NRSN2: variants seen among roughly 807,000 people sequenced by gnomAD.
NRSN2 encodes neurensin-2.
A neutral mutation model predicts 11.1 loss-of-function variants in NRSN2; 10 were observed. The observed-to-expected ratio is 0.90, with a 90% CI of 0.56 to 1.53. The LOEUF (loss-of-function observed/expected upper bound fraction) is 1.53, where lower values mean the gene tolerates loss of function less well. Ranked by LOEUF, NRSN2 falls within the 40% of genes most tolerant of loss-of-function variation. The pLI, the probability that NRSN2 is intolerant of heterozygous loss-of-function variation, is 0.00. For missense variants in NRSN2, 260 were observed against 273.7 expected (o/e 0.95, Z 0.35); for synonymous variants, 100 against 117.0 (o/e 0.86, Z 0.94).
rs917537693 is a variant in NRSN2 at position 353,691 on chromosome 20, A to G, written c.*56A>G. On this transcript the variant is annotated 3_prime_UTR_variant, in exon 5 of 5. Transcript: ENST00000382285. ...GGATCCTTCCCCCCTTCTCACCATA[A>G]CCCCCTCTCAGTGTTTCCCCAACTT... 1 of 1,529,372 alleles carries G rather than the reference A, an allele frequency of 6.5e-7. No individual in the cohort carries two copies. Among genetic ancestry groups the G allele is most frequent in the Non-Finnish European group, 8.9e-7 (1 of 1,125,510 alleles). 94.7% of individuals were successfully genotyped at this position (1,529,372 alleles called of 1,614,324 possible). A position where few individuals can be genotyped will look rare whatever the true frequency, so the allele number is the denominator to read the frequency against.
In NRSN2 at chr20:354,719, GTCTCCACCAGCCTGAAGGGCCTCC is replaced by G. The variant is rs2014256961; in HGVS notation, c.*1086_*1109del. On this transcript the variant is annotated 3_prime_UTR_variant, in exon 5 of 5. Coordinates refer to ENST00000382285, the MANE Select transcript of NRSN2 (RefSeq NM_001323682.2). ...CTCCCCTCCCTAACCCTTACCTTCA[GTCTCCACCAGCCTGAAGGGCCTCC>G]TAGGGGATCCTCAGGCGGCCCCCAC... 1 of 152,270 alleles carries G rather than the reference GTCTCCACCAGCCTGAAGGGCCTCC, an allele frequency of 6.6e-6. No homozygotes were observed. Among genetic ancestry groups the G allele is most frequent in the Non-Finnish European group, 1.5e-5 (1 of 68,118 alleles). The allele number at this position is 152,270 out of a possible 1,614,324, so 9.4% of individuals were successfully genotyped here.
At position 353,552 on chromosome 20, in the gene NRSN2, A is replaced by G; in HGVS notation, c.532A>G (p.Ser178Gly). Residue 178 changes from serine to glycine, a missense_variant, in exon 5 of 5, where the codon AGT becomes GGT. Coordinates refer to ENST00000382285, the MANE Select transcript of NRSN2 (RefSeq NM_001323682.2). ...GTTGTCACCCATTTTCCGCAATGCC[A>G]GTGGCCAGTCATGGTTCTCGCCACC... The part of the protein sequence containing the change: ...QQLSPIFRNA[S>G]GQSWFSPPAS... 1 of 1,614,188 alleles carries G rather than the reference A, an allele frequency of 6.2e-7. No individual in the cohort carries two copies. Among genetic ancestry groups the G allele is most frequent in the Non-Finnish European group, 8.5e-7 (1 of 1,180,038 alleles).
Position 349,657 on chromosome 20 carries a change from G to A in NRSN2, c.14G>A (p.Cys5Tyr), listed in dbSNP as rs2013760684. Residue 5 changes from cysteine to tyrosine, a missense_variant, in exon 4 of 5, where the codon TGC becomes TAC. Transcript: ENST00000382285. MMPS[C>Y]NRSCSCSRGP... ...CCCCAGGGGTCCATGATGCCGAGCT[G>A]CAATCGTTCCTGCAGCTGCAGCCGC... 3.1e-6 allele frequency: 5 copies of A among 1,611,362 alleles called. No individual in the cohort carries two copies. In the Admixed American group the frequency reaches 8.3e-5, roughly 27 times the overall value.
Position 353,226 on chromosome 20 carries a change from G to C in NRSN2, c.206G>C (p.Gly69Ala), listed in dbSNP as rs756603306. The C allele has an allele frequency of 6.2e-7, 1 of 1,613,946 alleles. No homozygotes were observed. Among genetic ancestry groups the C allele is most frequent in the South Asian group, 1.1e-5 (1 of 91,074 alleles). The change falls in exon 5 of 5, where the codon GGG becomes GCG. Residue 69 changes from glycine to alanine, a missense_variant. Physicochemically the swap from Gly to Ala is moderately conservative, Grantham distance 60. Coordinates refer to ENST00000382285, the MANE Select transcript of NRSN2 (RefSeq NM_001323682.2). ...TCTCCCTAGATCAGCCTGTCCTCGG[G>C]GACCCTGCTTCTGCTGCTGGGTGTG... ...SLCWKISLSSGTLLLLLGVAA... is the reference protein window; with the variant it reads ...SLCWKISLSSATLLLLLGVAA...
intron 4 of NRSN2, 113 bp downstream of exon 4, chr20:349,945 A>AC: frequency 1.0e-6 from 1 of 974,572 alleles, no homozygotes; most frequent in South Asian, 1.9e-5. Context: ...GGAGTCTTGC[A>AC]CAGTCAAGCA....
At position 349,724 on chromosome 20, in the gene NRSN2, C is replaced by G; in HGVS notation, c.81C>G (p.Ser27=). ...ATGGCAAGTGGTATGGGGTCCGCTCCTACCTGCACCTCTTCTATGAGGACT... is the reference window on the plus strand; with the variant it reads ...ATGGCAAGTGGTATGGGGTCCGCTCGTACCTGCACCTCTTCTATGAGGACT... ...VEDGKWYGVR[S]YLHLFYEDCA... The change falls in exon 4 of 5, where the codon TCC becomes TCG. Residue 27 remains serine, a synonymous_variant. Coordinates refer to ENST00000382285, the MANE Select transcript of NRSN2 (RefSeq NM_001323682.2). 6.2e-7 allele frequency: 1 copy of G among 1,613,522 alleles called. No individual in the cohort carries two copies. Among genetic ancestry groups the G allele is most frequent in the African/African-American group, 1.3e-5 (1 of 75,042 alleles).
chr20:351,821 G>A (rs76976400), intron 4 of NRSN2, among the ~76,000 whole-genome samples: 5,475 of 152,236 alleles, frequency 0.036, 110 homozygotes, highest in East Asian at 0.078. Flanking sequence ...TTTTGTGGAC[G>A]TCAAAATGTC....
At position 353,600 on chromosome 20, in the gene NRSN2, T is replaced by TGG. The variant is rs755023841; in HGVS notation, c.580_581insGG (p.Ser194TrpfsTer48). 8 of 1,614,186 alleles carry TGG rather than the reference T, an allele frequency of 5.0e-6. No individual in the cohort carries two copies. In the Admixed American group the frequency reaches 1.3e-4, roughly 27 times the overall value. On this transcript the variant is annotated frameshift_variant, in exon 5 of 5. Coordinates refer to ENST00000382285, the MANE Select transcript of NRSN2 (RefSeq NM_001323682.2). LOFTEE classifies it high-confidence loss of function. Reference sequence around the variant, plus strand: ...ACCCGCCAGCCCCTTTGGGCAATCTTCTGTGCAGACTATCCAGCCCAAGAG... The same window carrying TGG: ...ACCCGCCAGCCCCTTTGGGCAATCTTGGCTGTGCAGACTATCCAGCCCAAGAG...
chr20:352,479 T>C (rs1291497529), intron 4 of NRSN2, among the ~76,000 whole-genome samples: 2 of 152,090 alleles, frequency 1.3e-5, no homozygotes, highest in African/African-American at 4.8e-5. Flanking sequence ...GAAAGGTTAG[T>C]GTGTATTTAA....
intron 4 of NRSN2, among the ~76,000 whole-genome samples, chr20:350,202 C>A (rs907325345): frequency 2.6e-5 from 4 of 151,528 alleles, no homozygotes; most frequent in African/African-American, 7.3e-5. Flanking sequence ...GGACCGGGTG[C>A]GGTAGTTCAC....
chr20:348,527 G>GTGTGTGTGTGTC (rs2013651391), intron 2 of NRSN2: 1 of 151,174 alleles, frequency 6.6e-6, no homozygotes, highest in Admixed American at 6.8e-5. Flanking sequence ...GTGTGTGTGT[G>GTGTGTGTGTGTC]TCGTACCTAT....
In NRSN2 at chr20:353,730, G is replaced by A. The variant is rs564519307; in HGVS notation, c.*95G>A. 17 of 1,354,320 alleles carry A rather than the reference G, an allele frequency of 1.3e-5. No homozygotes were observed. In the South Asian group the frequency reaches 2.2e-4, roughly 18 times the overall value. The allele number at this position is 1,354,320 out of a possible 1,614,324, so 83.9% of individuals were successfully genotyped here. ...TTTCCCCAACTTCTCCCTTTTAGCA[G>A]GGTCCCTTTAGAGCCCAACTCCAGG... On this transcript the variant is annotated 3_prime_UTR_variant, in exon 5 of 5. Coordinates refer to ENST00000382285, the MANE Select transcript of NRSN2 (RefSeq NM_001323682.2).
rs2013542569 is a variant in NRSN2 at position 347,772 on chromosome 20, G to T, written c.-122+260G>T. 6.6e-6 allele frequency among the ~76,000 whole-genome samples: 1 copy of T among 151,964 alleles called. No homozygotes were observed. The highest frequency in any genetic ancestry group is 2.1e-4 in the South Asian group (1 of 4,828). The stretch of plus-strand genomic sequence containing the variant: ...CCCTCCGCCGCAGTCTCCCCACGTC[G>T]GACAGCGCAGCCCCCTCCGCCTCCC... On this transcript the variant is annotated intron_variant, in intron 2 of 4. Coordinates refer to ENST00000382285, the MANE Select transcript of NRSN2 (RefSeq NM_001323682.2). The surrounding 1 kb of genome is among the most constrained non-coding windows in gnomAD (Gnocchi z 7.0).
chr20:348,712 G>A (rs902649242), intron 2 of NRSN2, among the ~76,000 whole-genome samples: 25 of 151,846 alleles, frequency 1.6e-4, no homozygotes, highest in Non-Finnish European at 2.1e-4. Flanking sequence ...GCAGGAGGCT[G>A]CTAATTAAGG....
chr20:351,344 G>A (rs770050313), intron 4 of NRSN2, among the ~76,000 whole-genome samples: 5 of 152,212 alleles, frequency 3.3e-5, no homozygotes, highest in Non-Finnish European at 7.3e-5. Flanking sequence ...AGATCAGCCT[G>A]GGCAACATAG....
Position 353,667 on chromosome 20 carries a change from G to T in NRSN2, c.*32G>T. ...CACATGGCCTAAGATGTGGGTCCTG[G>T]ATCCTTCCCCCCTTCTCACCATAAC... On this transcript the variant is annotated 3_prime_UTR_variant, in exon 5 of 5. Coordinates refer to ENST00000382285, the MANE Select transcript of NRSN2 (RefSeq NM_001323682.2). 6.7e-7 allele frequency: 1 copy of T among 1,485,096 alleles called. No individual in the cohort carries two copies. Among genetic ancestry groups the T allele is most frequent in the Non-Finnish European group, 8.9e-7 (1 of 1,127,024 alleles). 92.0% of individuals were successfully genotyped at this position (1,485,096 alleles called of 1,614,324 possible). A position where few individuals can be genotyped will look rare whatever the true frequency, so the allele number is the denominator to read the frequency against.
rs865929936 is a variant in NRSN2 at position 350,669 on chromosome 20, A to G, written c.189+837A>G. 5.7e-3 allele frequency among the ~76,000 whole-genome samples: 576 copies of G among 101,418 alleles called. 2 individuals are homozygous for G. The highest frequency in any genetic ancestry group is 9.1e-3 in the Non-Finnish European group (449 of 49,384). 66.5% of individuals were successfully genotyped at this position (101,418 alleles called of 152,430 possible). A position where few individuals can be genotyped will look rare whatever the true frequency, so the allele number is the denominator to read the frequency against. The stretch of plus-strand genomic sequence containing the variant: ...CTCAAAAAAAAAAAAAAAAAAAAAA[A>G]AAAAAAAGAAAAAAGAAGGGAAAAT... On this transcript the variant is annotated intron_variant, in intron 4 of 4. Transcript: ENST00000382285.
At chr20:350,127 G>A (rs1405757733) in intron 4 of NRSN2, among the ~76,000 whole-genome samples, 1 of 151,684 alleles carries the variant, frequency 6.6e-6, no homozygotes, top group East Asian at 1.9e-4. Context: ...ATCACCTGAG[G>A]TCTGGAGTTC....
rs922926832 is a variant in NRSN2 at position 353,082 on chromosome 20, T to C, written c.190-128T>C. On this transcript the variant is annotated intron_variant, in intron 4 of 4. Transcript: ENST00000382285. The stretch of plus-strand genomic sequence containing the variant: ...CAGTTAGACCCCAGCAAGTGTGTTC[T>C]GTGATTCCCATCTCCTGAGGATGGA... 7 of 799,024 alleles carry C rather than the reference T, an allele frequency of 8.8e-6. No individual in the cohort carries two copies. In the African/African-American group the frequency reaches 1.2e-4, roughly 14 times the overall value. 49.5% of individuals were successfully genotyped at this position (799,024 alleles called of 1,614,324 possible).
Sources: allele counts gnomAD v4.1 joint callset (sites outside exome capture counted in the v4.1 genomes callset), GRCh38; gene constraint gnomAD v4.1.1; non-coding constraint Gnocchi (gnomAD v3.1); transcripts MANE v1.5; gene names NCBI Gene and HGNC (gene_info 2026-07-23, HGNC 2026-07-21).